Variants in ADARB2 observed in about 807,000 individuals in gnomAD.
ADARB2 encodes the protein inactive double-stranded RNA-specific editase B2.
ADARB2 carries 25 observed loss-of-function variants against 62.2 expected under a neutral mutation model. The ratio of observed to expected loss-of-function variants is 0.40; its 90% CI spans 0.29 to 0.56. The LOEUF (loss-of-function observed/expected upper bound fraction) is 0.56. Ranked by LOEUF, ADARB2 falls within the 20% of genes least tolerant of loss-of-function variation. The pLI is 0.43. For missense variants in ADARB2, 1,071 were observed against 1,077.4 expected, an observed-to-expected ratio of 0.99 and a Z score of 0.08; for synonymous variants, 572 against 500.8, an observed-to-expected ratio of 1.14 and a Z score of -1.90.
At chr10:1,522,319 A>G (rs903521006) in intron 1 of ADARB2, among the ~76,000 whole-genome samples, 1 of 152,216 alleles carries the variant, frequency 6.6e-6, no homozygotes, top group African/African-American at 2.4e-5. Flanking sequence ...CACAAACTAT[A>G]GGAATCTGAG....
At chr10:1,683,096 C>G (rs1261826891) in intron 1 of ADARB2, among the ~76,000 whole-genome samples, 1 of 152,172 alleles carries the variant, frequency 6.6e-6, no homozygotes, top group Non-Finnish European at 1.5e-5. Flanking sequence ...TCATGCTTTA[C>G]TTATGGGATA....
chr10:1,724,639 C>A (rs1173377454), intron 1 of ADARB2, among the ~76,000 whole-genome samples: 1 of 152,218 alleles, frequency 6.6e-6, no homozygotes, highest in Non-Finnish European at 1.5e-5. Context: ...GAGCCACAGC[C>A]TGGTGGGGTC....
chr10:1,591,352 G>A (rs906583852), intron 1 of ADARB2, among the ~76,000 whole-genome samples: 7 of 150,098 alleles, frequency 4.7e-5, no homozygotes, highest in African/African-American at 7.4e-5. Context: ...ATGCCCCTTC[G>A]TACCCCCACC....
chr10:1,517,824 T>C (rs1832024574), intron 1 of ADARB2, among the ~76,000 whole-genome samples: 1 of 152,152 alleles, frequency 6.6e-6, no homozygotes, highest in Non-Finnish European at 1.5e-5. Flanking sequence ...TTAATTTTAC[T>C]AGTCTCTGCT....
intron 1 of ADARB2, among the ~76,000 whole-genome samples, chr10:1,492,135 A>G (rs561859838): frequency 2.2e-4 from 34 of 152,366 alleles, no homozygotes; most frequent in Middle Eastern, 3.4e-3. Flanking sequence ...GGCAGAAGGC[A>G]GAGTGAACCA....
chr10:1,518,118 G>A (rs139002535), intron 1 of ADARB2, among the ~76,000 whole-genome samples: 165 of 152,310 alleles, frequency 1.1e-3, no homozygotes, highest in African/African-American at 3.9e-3. Context: ...AGGCCAACCC[G>A]TTAGAAAAGC....
At chr10:1,278,240 A>G (rs933113944) in intron 3 of ADARB2, among the ~76,000 whole-genome samples, 3 of 151,676 alleles carry the variant, frequency 2.0e-5, no homozygotes, top group African/African-American at 7.3e-5. Flanking sequence ...TTGGCCTCCC[A>G]AAAGTGCTGG....
At chr10:1,615,799 T>A (rs1432357718) in intron 1 of ADARB2, among the ~76,000 whole-genome samples, 1 of 152,236 alleles carries the variant, frequency 6.6e-6, no homozygotes, top group African/African-American at 2.4e-5. Flanking sequence ...CAGGGACTGT[T>A]GTCCTGAATA....
chr10:1,410,302 C>A, intron 1 of ADARB2, among the ~76,000 whole-genome samples: 1 of 135,652 alleles, frequency 7.4e-6, no homozygotes, highest in South Asian at 2.1e-4. Flanking sequence ...GGTGCTGAGG[C>A]CTGGCCGTGG....
chr10:1,674,959 G>A (rs1033838292), intron 1 of ADARB2: 94 of 977,556 alleles, frequency 9.6e-5, no homozygotes, highest in Middle Eastern at 5.3e-4. Flanking sequence ...GGGGGTACAC[G>A]GATATTCTGG....
chr10:1,699,665 C>T (rs1379235875), intron 1 of ADARB2, among the ~76,000 whole-genome samples: 2 of 13,640 alleles, frequency 1.5e-4, no homozygotes, highest in African/African-American at 2.3e-4. Context: ...AGTCAATACA[C>T]TCAATCCCAC....
chr10:1,703,690 T>A (rs1834853037), intron 1 of ADARB2, among the ~76,000 whole-genome samples: 1 of 152,216 alleles, frequency 6.6e-6, no homozygotes, highest in Non-Finnish European at 1.5e-5. Context: ...CTCAGATGAA[T>A]TTTTCATCTT....
At chr10:1,687,623 CATTAA>C (rs1038595576) in intron 1 of ADARB2, among the ~76,000 whole-genome samples, 20 of 150,490 alleles carry the variant, frequency 1.3e-4, no homozygotes, top group Admixed American at 5.9e-4. Context: ...AGTGCAAACG[CATTAA>C]ATTATTTAAA....
At chr10:1,296,686 A>AT (rs1283885805) in intron 3 of ADARB2, among the ~76,000 whole-genome samples, 1 of 152,190 alleles carries the variant, frequency 6.6e-6, no homozygotes, top group African/African-American at 2.4e-5. Flanking sequence ...AACATATGTA[A>AT]TGACCCCAAA....
At chr10:1,511,808 A>G (rs1008598101) in intron 1 of ADARB2, among the ~76,000 whole-genome samples, 1 of 151,776 alleles carries the variant, frequency 6.6e-6, no homozygotes, top group African/African-American at 2.4e-5. Context: ...GGACACCAAG[A>G]CGTCAATGCT....
At chr10:1,525,870 C>T (rs1046877623) in intron 1 of ADARB2, among the ~76,000 whole-genome samples, 15 of 150,940 alleles carry the variant, frequency 9.9e-5, no homozygotes, top group Non-Finnish European at 1.5e-4. Flanking sequence ...TGTCTGCGTG[C>T]GTTTATGTGC....
At chr10:1,537,754 T>C (rs950154865) in intron 1 of ADARB2, among the ~76,000 whole-genome samples, 2 of 150,766 alleles carry the variant, frequency 1.3e-5, no homozygotes. Context: ...AAAGTGGGAG[T>C]TGAACAATGA....
intron 1 of ADARB2, among the ~76,000 whole-genome samples, chr10:1,559,513 G>A (rs1832758926): frequency 6.6e-6 from 1 of 152,150 alleles, no homozygotes; most frequent in African/African-American, 2.4e-5. Context: ...AAGGACAGAT[G>A]CCCTCTGGAG....
intron 1 of ADARB2, among the ~76,000 whole-genome samples, chr10:1,401,946 G>A (rs976517048): frequency 6.6e-6 from 1 of 152,276 alleles, no homozygotes; most frequent in African/African-American, 2.4e-5. Context: ...AGGGCTTCCC[G>A]GGGCTTGTAA....
Sources: allele counts gnomAD v4.1 joint callset (sites outside exome capture counted in the v4.1 genomes callset), GRCh38; gene constraint gnomAD v4.1.1; transcripts MANE v1.5; gene names NCBI Gene and HGNC (gene_info 2026-07-23, HGNC 2026-07-21).